USP34: variants seen among roughly 807,000 people sequenced by gnomAD.
The protein encoded by USP34 is ubiquitin specific peptidase 34, also known as ubiquitin carboxyl-terminal hydrolase 34.
A neutral mutation model predicts 460.3 loss-of-function variants in USP34; 70 were observed. That is an observed-to-expected ratio of 0.15 (90% CI 0.13 to 0.19). The LOEUF (loss-of-function observed/expected upper bound fraction) is 0.19, where lower values mean the gene tolerates loss of function less well. Among genes scored for constraint, USP34 ranks in the 10% least tolerant of loss-of-function variants. The probability of loss-of-function intolerance (pLI) is 1.00; values close to 1 mark genes in which losing one functional copy is unlikely to be tolerated. For missense variants in USP34, 3,985 were observed against 4,236.2 expected (o/e 0.94, Z 1.65); for synonymous variants, 1,647 against 1,405.3 (o/e 1.17, Z -3.85).
At chr2:61,297,600 C>T (rs758816167) in intron 29 of USP34, among the ~76,000 whole-genome samples, 2 of 152,118 alleles carry the variant, frequency 1.3e-5, no homozygotes, top group Non-Finnish European at 2.9e-5. Context: ...GTATTTTCCA[C>T]GGAGTATAAA....
chr2:61,386,566 G>A (rs1693151267), intron 5 of USP34, among the ~76,000 whole-genome samples: 1 of 151,906 alleles, frequency 6.6e-6, no homozygotes, highest in Admixed American at 6.5e-5. Context: ...CGAGGCAGAT[G>A]GATCACAAGC....
chr2:61,333,136 T>C (rs546584768), intron 19 of USP34, among the ~76,000 whole-genome samples: 1 of 152,058 alleles, frequency 6.6e-6, no homozygotes, highest in Admixed American at 6.6e-5. Flanking sequence ...TTGTTTGTGG[T>C]AGACAACTTT....
chr2:61,456,557 T>C (rs1014412759), intron 1 of USP34, among the ~76,000 whole-genome samples: 9 of 152,212 alleles, frequency 5.9e-5, no homozygotes, highest in Middle Eastern at 6.8e-3. Flanking sequence ...TGGCTCACAC[T>C]TGCAATCCCA....
chr2:61,223,521 T>C (rs1687647842), intron 62 of USP34: 1 of 526,332 alleles, frequency 1.9e-6, no homozygotes, highest in Admixed American at 3.7e-5. Context: ...TTTCATTTAA[T>C]TAACTTACTA....
At chr2:61,368,357 G>A (rs367659109) in intron 10 of USP34, among the ~76,000 whole-genome samples, 83 of 152,158 alleles carry the variant, frequency 5.5e-4, no homozygotes, top group African/African-American at 1.9e-3. Context: ...CTTTGAACCC[G>A]GGAGGCAGAG....
intron 16 of USP34, among the ~76,000 whole-genome samples, chr2:61,342,962 A>C (rs1377254088): frequency 1.3e-5 from 2 of 152,198 alleles, no homozygotes; most frequent in African/African-American, 2.4e-5. Context: ...CCACAACAGC[A>C]CAACAATAAA....
chr2:61,268,438 T>TAAAA (rs35618230), intron 41 of USP34, among the ~76,000 whole-genome samples: 44 of 53,416 alleles, frequency 8.2e-4, no homozygotes, highest in African/African-American at 1.3e-3. Context: ...GAGCTGTTGT[T>TAAAA]AAAAAAAAAA....
At chr2:61,364,051 A>T (rs1467227328) in intron 10 of USP34, among the ~76,000 whole-genome samples, 1 of 152,198 alleles carries the variant, frequency 6.6e-6, no homozygotes, top group African/African-American at 2.4e-5. Flanking sequence ...AGGTACCTAG[A>T]ATAGGCAAAC....
At chr2:61,217,575 A>G (rs572922808) in intron 67 of USP34, among the ~76,000 whole-genome samples, 1 of 152,304 alleles carries the variant, frequency 6.6e-6, no homozygotes, top group East Asian at 1.9e-4. Flanking sequence ...CCAACTGAAG[A>G]GTTTAAAATT....
intron 6 of USP34, 79 bp from the exon 7 acceptor site, chr2:61,380,440 A>G: frequency 1.4e-6 from 2 of 1,394,104 alleles, no homozygotes; most frequent in South Asian, 1.4e-5. Flanking sequence ...TAAAATGTAC[A>G]TTGTAAGCAT....
chr2:61,462,811 G>A (rs182663906), intron 1 of USP34, among the ~76,000 whole-genome samples: 13 of 146,308 alleles, frequency 8.9e-5, no homozygotes, highest in Admixed American at 4.8e-4. Context: ...GCAGTGAGCC[G>A]AGACTGTACC....
At chr2:61,305,663 G>C (rs1348341575) in intron 27 of USP34, among the ~76,000 whole-genome samples, 1 of 152,068 alleles carries the variant, frequency 6.6e-6, no homozygotes, top group African/African-American at 2.4e-5. Context: ...TTTGATAAAA[G>C]TTATAATCTC....
chr2:61,233,729 G>C (rs35869142), intron 57 of USP34, among the ~76,000 whole-genome samples: 2 of 151,980 alleles, frequency 1.3e-5, no homozygotes, highest in Non-Finnish European at 2.9e-5. Context: ...GGAGGCTGAG[G>C]GAGGAGGCTG....
At chr2:61,213,525 T>C (rs1687325303) in intron 68 of USP34, among the ~76,000 whole-genome samples, 1 of 152,210 alleles carries the variant, frequency 6.6e-6, no homozygotes, top group Non-Finnish European at 1.5e-5. Context: ...ATATAAAACC[T>C]ACAAGTAAGT....
At chr2:61,406,641 ACT>A (rs959412420) in intron 2 of USP34, among the ~76,000 whole-genome samples, 1 of 149,530 alleles carries the variant, frequency 6.7e-6, no homozygotes, top group Non-Finnish European at 1.5e-5. Context: ...ACACACACAC[ACT>A]CTCTCTTTCT....
intron 15 of USP34, 105 bp from the exon 16 acceptor site, chr2:61,344,134 A>G (rs1251186615): frequency 1.0e-6 from 1 of 995,942 alleles, no homozygotes; most frequent in African/African-American, 1.6e-5. Flanking sequence ...TTAGAAACAA[A>G]CCGACATCTG....
rs542751146 is a variant in USP34 at position 61,268,964 on chromosome 2, A to C, written c.5434-2797T>G. ...AATAATAAATGTAATGTAATAACTA[A>C]ATATAGAAGAAATTTAAGACAATAT... is the stretch of plus-strand genomic sequence containing the variant. On this transcript the variant is annotated intron_variant, in intron 41 of 79. Coordinates refer to ENST00000398571, the MANE Select transcript of USP34 (RefSeq NM_014709.4). 2.6e-5 allele frequency among the ~76,000 whole-genome samples: 4 copies of C among 151,964 alleles called. No homozygotes were observed. In the South Asian group the frequency reaches 8.4e-4, roughly 32 times the overall value.
intron 44 of USP34, among the ~76,000 whole-genome samples, chr2:61,258,303 GAC>G (rs1688776135): frequency 6.6e-6 from 1 of 152,188 alleles, no homozygotes; most frequent in Admixed American, 6.5e-5. Flanking sequence ...TAGCCTGGGT[GAC>G]AGAGTGAGAC....
intron 74 of USP34, 73 bp downstream of exon 74, chr2:61,204,183 A>G (rs571672271): frequency 3.3e-5 from 53 of 1,598,008 alleles, no homozygotes; most frequent in Middle Eastern, 3.3e-4. Flanking sequence ...TAACCTATTC[A>G]TAACTGCCAG....
Sources: gnomAD v4.1 joint callset for allele counts (sites outside exome capture counted in the v4.1 genomes callset) on GRCh38, gnomAD v4.1.1 for gene constraint, MANE v1.5 for transcripts, NCBI Gene and HGNC (gene_info 2026-07-23, HGNC 2026-07-21) for gene names.